The following TRIO variants were observed in gnomAD, a reference collection of about 807,000 sequenced individuals.
TRIO encodes the protein triple functional domain protein.
TRIO carries 58 observed loss-of-function variants against 351.9 expected under a neutral mutation model. That is an observed-to-expected ratio of 0.16 (90% CI 0.13 to 0.21). TRIO has a LOEUF of 0.21. Among genes scored for constraint, TRIO ranks in the 10% least tolerant of loss-of-function variants. The pLI is 1.00. For missense variants in TRIO, 3,201 were observed against 4,027.8 expected (o/e 0.79, Z 5.56); for synonymous variants, 1,758 against 1,595.7 (o/e 1.10, Z -2.42).
At chr5:14,459,234 C>T (rs1168084353) in intron 34 of TRIO, among the ~76,000 whole-genome samples, 1 of 152,206 alleles carries the variant, frequency 6.6e-6, no homozygotes, top group Non-Finnish European at 1.5e-5. Context: ...TGGTGGGAAA[C>T]CGCTGCCAAC....
chr5:14,504,340 C>T (rs770982095), intron 54 of TRIO, 53 bp from the exon 55 acceptor site: 69 of 1,589,300 alleles, frequency 4.3e-5, no homozygotes, highest in Non-Finnish European at 5.3e-5. Flanking sequence ...GAGTCTTTCT[C>T]GGTGCCAGAC....
chr5:14,350,025 CTCTG>C (rs1382314753), intron 11 of TRIO, among the ~76,000 whole-genome samples: 3 of 152,192 alleles, frequency 2.0e-5, no homozygotes, highest in African/African-American at 4.8e-5. Context: ...CGGCCTCCAG[CTCTG>C]TCTATGTTGT....
chr5:14,347,986 G>T (rs1345631679), intron 11 of TRIO, among the ~76,000 whole-genome samples: 1 of 152,206 alleles, frequency 6.6e-6, no homozygotes, highest in African/African-American at 2.4e-5. Flanking sequence ...GTTTAATGAA[G>T]AAATGAGCTT....
chr5:14,388,709 T>G (rs747482489), intron 24 of TRIO, 30 bp downstream of exon 24: 1 of 1,472,732 alleles, frequency 6.8e-7, no homozygotes, highest in Non-Finnish European at 9.3e-7. Context: ...TTTTTTTTGC[T>G]TGTTTATTTA....
intron 41 of TRIO, among the ~76,000 whole-genome samples, chr5:14,477,816 G>A (rs1431934942): frequency 2.6e-5 from 4 of 152,196 alleles, no homozygotes; most frequent in African/African-American, 7.2e-5. Flanking sequence ...AGGTTGACAC[G>A]TTTCATTACA....
At chr5:14,266,215 C>T (rs889026763) in intron 1 of TRIO, among the ~76,000 whole-genome samples, 1 of 152,138 alleles carries the variant, frequency 6.6e-6, no homozygotes, top group Non-Finnish European at 1.5e-5. Context: ...TGCACCACTG[C>T]TCCTGGCTAA....
At chr5:14,208,506 G>T (rs750058551) in intron 1 of TRIO, among the ~76,000 whole-genome samples, 2 of 152,194 alleles carry the variant, frequency 1.3e-5, no homozygotes, top group Non-Finnish European at 2.9e-5. Context: ...GGTATGGGCC[G>T]GTGAGAGGAT....
At chr5:14,398,536 T>G (rs946505762) in intron 29 of TRIO, among the ~76,000 whole-genome samples, 3 of 152,032 alleles carry the variant, frequency 2.0e-5, no homozygotes, top group Non-Finnish European at 4.4e-5. Context: ...GGAGGAGCTT[T>G]CGGTGGTGGG....
chr5:14,507,993 C>T lies in TRIO; in HGVS notation c.8865C>T (p.Asn2955=). The T allele has an allele frequency of 6.2e-7, 1 of 1,614,218 alleles. No homozygotes were observed. The highest frequency in any genetic ancestry group is 8.5e-7 in the Non-Finnish European group (1 of 1,180,038). The change falls in exon 57 of 57, where the codon AAC becomes AAT. Residue 2955 remains asparagine (N), a synonymous_variant. Transcript: ENST00000344204. ...ACTACATCCACCAGTTACTGGGGAA[C>T]CCTGAATTCGCAGCCCCTGAAATCA... ...TTYYIHQLLG[N]PEFAAPEIIL... is the part of the protein sequence containing the mutation.
chr5:14,218,287 A>T (rs1277209759), intron 1 of TRIO, among the ~76,000 whole-genome samples: 1 of 152,218 alleles, frequency 6.6e-6, no homozygotes, highest in Non-Finnish European at 1.5e-5. Context: ...TGGTGCCTGG[A>T]CAGAGTGAGT....
Position 14,316,787 on chromosome 5 carries a change from T to C in TRIO, c.1731+44T>C, listed in dbSNP as rs1399621043. 3 of 1,555,710 alleles carry C rather than the reference T, an allele frequency of 1.9e-6. No homozygotes were observed. The African/African-American group carries it at 4.1e-5, about 21-fold the overall frequency. ...CCTTCTGCATGGGAAATGGCTTGTG[T>C]TGAGTAGAGTTTAAATACATCATCA... On this transcript the variant is annotated intron_variant, in intron 9 of 56. Coordinates refer to ENST00000344204, the MANE Select transcript of TRIO (RefSeq NM_007118.4).
intron 11 of TRIO, among the ~76,000 whole-genome samples, chr5:14,343,844 C>A (rs2152325221): frequency 6.6e-6 from 1 of 152,328 alleles, no homozygotes; most frequent in East Asian, 1.9e-4. Context: ...CACTGCCAAA[C>A]TGTTTTCCAG....
At chr5:14,208,644 A>G (rs1389950378) in intron 1 of TRIO, among the ~76,000 whole-genome samples, 6 of 152,246 alleles carry the variant, frequency 3.9e-5, no homozygotes, top group African/African-American at 9.6e-5. Context: ...TATGTAAACT[A>G]ACAGAAAGTC....
At position 14,226,078 on chromosome 5, in the gene TRIO, A is replaced by T. The variant is rs1431431763; in HGVS notation, c.158-44747A>T. 2.0e-5 allele frequency among the ~76,000 whole-genome samples: 3 copies of T among 152,176 alleles called. No individual in the cohort carries two copies. The East Asian group carries it at 5.8e-4, about 29-fold the overall frequency. On this transcript the variant is annotated intron_variant, in intron 1 of 56. Coordinates refer to ENST00000344204, the MANE Select transcript of TRIO (RefSeq NM_007118.4). ...GGTTGGAGGGACCATAAGTGACTTC[A>T]GGGAGGCACCTGGTTAATGCCGGAG...
intron 9 of TRIO, among the ~76,000 whole-genome samples, chr5:14,325,757 A>G (rs1740325956): frequency 6.6e-6 from 1 of 152,244 alleles, no homozygotes; most frequent in South Asian, 2.1e-4. Context: ...AATACTGAGT[A>G]TTAGGTAGTA....
chr5:14,459,977 G>A (rs367740573), intron 34 of TRIO, among the ~76,000 whole-genome samples: 16 of 151,734 alleles, frequency 1.1e-4, no homozygotes, highest in Admixed American at 4.6e-4. Flanking sequence ...GTGCGATGGC[G>A]TGATCTTGGC....
chr5:14,469,647 T>G (rs561098949), intron 37 of TRIO, among the ~76,000 whole-genome samples: 1 of 152,298 alleles, frequency 6.6e-6, no homozygotes, highest in South Asian at 2.1e-4. Flanking sequence ...AAGAGGCAAA[T>G]GGGCCACATG....
intron 4 of TRIO, 96 bp from the exon 5 acceptor site, chr5:14,290,620 A>G (rs1238215454): frequency 7.7e-7 from 1 of 1,298,088 alleles, no homozygotes; most frequent in African/African-American, 1.5e-5. Context: ...GATTACTTTA[A>G]CTTTGAAAAC....
At chr5:14,462,719 C>A in intron 35 of TRIO, 36 bp from the exon 36 acceptor site, 1 of 1,612,226 alleles carries the variant, frequency 6.2e-7, no homozygotes, top group Non-Finnish European at 8.5e-7. Flanking sequence ...GTGAACTGGC[C>A]TGGAATATAA....
Sources: allele counts gnomAD v4.1 joint callset (sites outside exome capture counted in the v4.1 genomes callset), GRCh38; gene constraint gnomAD v4.1.1; transcripts MANE v1.5; gene names NCBI Gene and HGNC (gene_info 2026-07-23, HGNC 2026-07-21).